Variants in FBXW11 observed in about 807,000 individuals in gnomAD.
The protein encoded by FBXW11 is F-box/WD repeat-containing protein 11.
In FBXW11, 19 loss-of-function variants were observed where a neutral mutation model predicts 77.6. The ratio of observed to expected loss-of-function variants is 0.24; its 90% CI spans 0.17 to 0.36. The LOEUF (loss-of-function observed/expected upper bound fraction) is 0.36. Ranked by LOEUF, FBXW11 falls within the 10% of genes least tolerant of loss-of-function variation. FBXW11 has a pLI of 1.00. For synonymous variants in FBXW11, 235 were observed against 249.4 expected, an observed-to-expected ratio of 0.94 and a Z score of 0.54; for missense variants, 334 against 704.2, an observed-to-expected ratio of 0.47 and a Z score of 5.95.
At chr5:171,929,797 A>T (rs1762074457) in intron 2 of FBXW11, among the ~76,000 whole-genome samples, 1 of 152,220 alleles carries the variant, frequency 6.6e-6, no homozygotes, top group African/African-American at 2.4e-5. Context: ...GGTTGCAGAG[A>T]GCCAAGATCG....
rs1488077010 is a variant in FBXW11 at position 171,879,990 on chromosome 5, T to C, written c.853-1861A>G. 2.0e-5 allele frequency among the ~76,000 whole-genome samples: 3 copies of C among 152,324 alleles called. No homozygotes were observed. In the East Asian group the frequency reaches 5.8e-4, roughly 29 times the overall value. ...CATGGGTCATGGCTTTGGTATTATA[T>C]CTAAAAAGTCATCAACAAATTCAAG... On this transcript the variant is annotated intron_variant, in intron 7 of 13. Transcript: ENST00000517395.
intron 2 of FBXW11, among the ~76,000 whole-genome samples, chr5:171,935,882 G>A (rs981535335): frequency 3.3e-5 from 5 of 152,002 alleles, no homozygotes; most frequent in South Asian, 2.1e-4. Flanking sequence ...AGGCCAAGGC[G>A]GGCTGATCAC....
At chr5:171,880,036 T>C (rs1415018333) in intron 7 of FBXW11, among the ~76,000 whole-genome samples, 1 of 152,220 alleles carries the variant, frequency 6.6e-6, no homozygotes, top group Non-Finnish European at 1.5e-5. Flanking sequence ...TTCTCTCCTA[T>C]GTTACATTCT....
chr5:171,960,817 A>G (rs1344032489), intron 1 of FBXW11, among the ~76,000 whole-genome samples: 1 of 152,342 alleles, frequency 6.6e-6, no homozygotes, highest in Non-Finnish European at 1.5e-5. Flanking sequence ...ATTTTCAGTG[A>G]ACTTGATTTT....
chr5:171,955,698 T>C (rs1009113929), intron 2 of FBXW11, among the ~76,000 whole-genome samples: 1 of 152,132 alleles, frequency 6.6e-6, no homozygotes, highest in Non-Finnish European at 1.5e-5. Context: ...TAGTTCATTT[T>C]ACTATGCTGC....
chr5:171,872,977 C>G lies in FBXW11; in HGVS notation c.1235G>C (p.Ser412Thr). The change falls in exon 10 of 14, where the codon AGC (serine) becomes ACC (threonine). Residue 412 changes from serine (S) to threonine (T), a missense_variant. Coordinates refer to ENST00000517395, the MANE Select transcript of FBXW11 (RefSeq NM_001378974.1). ...GDRTIKVWST[S>T]TCEFVRTLNG... ...GAGAGTACGAACAAATTCACAGGTGCTCGTGCTCCAGACCTGTATAACAAA... is the reference window on the plus strand; with the variant it reads ...GAGAGTACGAACAAATTCACAGGTGGTCGTGCTCCAGACCTGTATAACAAA... The G allele has an allele frequency of 6.2e-7, 1 of 1,613,556 alleles. No homozygotes were observed. Among genetic ancestry groups the G allele is most frequent in the Non-Finnish European group, 8.5e-7 (1 of 1,179,650 alleles).
At chr5:172,001,179 T>G (rs1021430903) in intron 1 of FBXW11, among the ~76,000 whole-genome samples, 1 of 152,156 alleles carries the variant, frequency 6.6e-6, no homozygotes, top group Non-Finnish European at 1.5e-5. Context: ...TTTCACTGCA[T>G]GAAAGAAAGA....
rs34933781 is a variant in FBXW11, at chr5:171,878,553, A to AGTGTGTGTGTGTGTGTGT, written c.853-425_853-424insACACACACACACACACAC. Among the ~76,000 whole-genome samples the AGTGTGTGTGTGTGTGTGT allele has an allele frequency of 4.4e-3, 468 of 105,438 alleles. 5 individuals are homozygous for AGTGTGTGTGTGTGTGTGT. The highest frequency in any genetic ancestry group is 5.7e-3 in the South Asian group (16 of 2,794). 69.2% of individuals were successfully genotyped at this position (105,438 alleles called of 152,430 possible). ...AACATACCAAGCCAATCTCCATAAG[A>AGTGTGTGTGTGTGTGTGT]GTGTGTGAGTGTGTGTGTGTGTGTG... On this transcript the variant is annotated intron_variant, in intron 7 of 13. Coordinates refer to ENST00000517395, the MANE Select transcript of FBXW11 (RefSeq NM_001378974.1).
intron 6 of FBXW11, among the ~76,000 whole-genome samples, chr5:171,893,531 T>C (rs770843006): frequency 2.1e-5 from 3 of 140,912 alleles, no homozygotes; most frequent in Non-Finnish European, 3.0e-5. Flanking sequence ...AGGTCCAGAA[T>C]ACAGGCATTT....
chr5:171,998,328 TTTC>T (rs1271973676), intron 1 of FBXW11, among the ~76,000 whole-genome samples: 1 of 146,146 alleles, frequency 6.8e-6, no homozygotes, highest in South Asian at 2.1e-4. Context: ...ATGATATTTT[TTTC>T]TTGTCTTTTT....
intron 2 of FBXW11, among the ~76,000 whole-genome samples, chr5:171,937,822 T>C (rs1443822691): frequency 7.1e-6 from 1 of 140,466 alleles, no homozygotes; most frequent in Non-Finnish European, 1.5e-5. Flanking sequence ...AATGAGACCT[T>C]GGCTCAAAAA....
At chr5:171,915,750 A>G (rs914136999) in intron 2 of FBXW11, among the ~76,000 whole-genome samples, 5 of 152,058 alleles carry the variant, frequency 3.3e-5, no homozygotes, top group African/African-American at 1.2e-4. Context: ...CATAATGGGT[A>G]TTCCAAAAAA....
Position 171,877,996 on chromosome 5 carries a change from A to G in FBXW11, c.971+15T>C, listed in dbSNP as rs747590709. The G allele has an allele frequency of 1.7e-5, 27 of 1,581,892 alleles. No individual in the cohort carries two copies. In the East Asian group the frequency reaches 5.8e-4, roughly 34 times the overall value. Reference sequence around the variant, plus strand: ...AAGGCTTACAAGTTAAGAACAATGAAGCCAGATCACTCACCTCACCGTAGA... The same window carrying G: ...AAGGCTTACAAGTTAAGAACAATGAGGCCAGATCACTCACCTCACCGTAGA... On this transcript the variant is annotated intron_variant, in intron 8 of 13. Coordinates refer to ENST00000517395, the MANE Select transcript of FBXW11 (RefSeq NM_001378974.1).
At chr5:171,996,186 T>C (rs1428269434) in intron 1 of FBXW11, among the ~76,000 whole-genome samples, 1 of 152,152 alleles carries the variant, frequency 6.6e-6, no homozygotes, top group Non-Finnish European at 1.5e-5. Flanking sequence ...CAGAATAAAA[T>C]ATCACCACTT....
At position 171,924,705 on chromosome 5, in the gene FBXW11, G is replaced by A. The variant is rs542711767; in HGVS notation, c.148-10300C>T. On this transcript the variant is annotated intron_variant, in intron 2 of 13. Coordinates refer to ENST00000517395, the MANE Select transcript of FBXW11 (RefSeq NM_001378974.1). ...GGGCCAGGCCAGCCCAGGAGCCGTG[G>A]GCCAGAGCAGGGCGACAGGATTAAA... Among the ~76,000 whole-genome samples the A allele has an allele frequency of 3.0e-3, 459 of 152,216 alleles. 3 individuals are homozygous for A. The highest frequency in any genetic ancestry group is 4.8e-3 in the Non-Finnish European group (324 of 68,012).
chr5:171,977,013 C>A (rs1459169084), intron 1 of FBXW11, among the ~76,000 whole-genome samples: 6 of 147,290 alleles, frequency 4.1e-5, no homozygotes, highest in Non-Finnish European at 6.0e-5. Context: ...GCAGCCTGGG[C>A]AACAAGAGTA....
chr5:171,921,949 A>G (rs560021799), intron 2 of FBXW11, among the ~76,000 whole-genome samples: 1 of 152,166 alleles, frequency 6.6e-6, no homozygotes, highest in Admixed American at 6.6e-5. Flanking sequence ...ATGTTGCTCA[A>G]GCTGATCTCA....
intron 2 of FBXW11, among the ~76,000 whole-genome samples, chr5:171,931,687 ATC>A (rs1377863605): frequency 6.6e-6 from 1 of 152,178 alleles, no homozygotes; most frequent in East Asian, 1.9e-4. Flanking sequence ...AAAAATAAAA[ATC>A]TCTGAGAGAC....
At chr5:171,963,786 T>C (rs1435063975) in intron 1 of FBXW11, among the ~76,000 whole-genome samples, 2 of 152,148 alleles carry the variant, frequency 1.3e-5, no homozygotes, top group Non-Finnish European at 2.9e-5. Context: ...AAATATCCCA[T>C]GTTTTCTAGA....
Sources: allele counts gnomAD v4.1 joint callset (sites outside exome capture counted in the v4.1 genomes callset), GRCh38; gene constraint gnomAD v4.1.1; transcripts MANE v1.5; gene names NCBI Gene and HGNC (gene_info 2026-07-23, HGNC 2026-07-21).